The following CNTLN variants were observed in gnomAD, a reference collection of about 807,000 sequenced individuals.
CNTLN encodes centlein.
Under a neutral mutation model 180.0 loss-of-function variants are expected in CNTLN, and 212 were observed. The observed-to-expected ratio is 1.18, with a 90% CI of 1.05 to 1.32. CNTLN has a LOEUF of 1.32. Ranked by LOEUF, CNTLN falls within the 40% of genes most tolerant of loss-of-function variation. The pLI is 0.00. For synonymous variants in CNTLN, 722 were observed against 563.1 expected, an observed-to-expected ratio of 1.28 and a Z score of -3.99; for missense variants, 2,095 against 1,610.9, an observed-to-expected ratio of 1.30 and a Z score of -5.14.
At chr9:17,185,771 TTGTGTG>T (rs371473319) in intron 2 of CNTLN, among the ~76,000 whole-genome samples, 63 of 143,728 alleles carry the variant, frequency 4.4e-4, no homozygotes, top group South Asian at 1.6e-3. Context: ...TGTTTCCCAT[TTGTGTG>T]TGTGTGTGTG....
intron 10 of CNTLN, among the ~76,000 whole-genome samples, chr9:17,340,305 G>T (rs1821372764): frequency 6.6e-6 from 1 of 152,094 alleles, no homozygotes; most frequent in Non-Finnish European, 1.5e-5. Context: ...ACCCCAGAAG[G>T]TTAAACTATG....
intron 2 of CNTLN, among the ~76,000 whole-genome samples, chr9:17,189,857 GAC>G (rs1486711632): frequency 1.3e-5 from 2 of 151,964 alleles, no homozygotes; most frequent in African/African-American, 4.8e-5. Flanking sequence ...TTTTCACTCT[GAC>G]TGATGGGAAC....
intron 2 of CNTLN, among the ~76,000 whole-genome samples, chr9:17,185,227 A>C (rs1328575652): frequency 6.6e-6 from 1 of 152,198 alleles, no homozygotes; most frequent in African/African-American, 2.4e-5. Flanking sequence ...TTTAATTTCC[A>C]CGGAGGTTAT....
chr9:17,165,336 G>A (rs1183364360), intron 2 of CNTLN, among the ~76,000 whole-genome samples: 1 of 152,108 alleles, frequency 6.6e-6, no homozygotes, highest in African/African-American at 2.4e-5. Context: ...AAAATGACTA[G>A]TAGAGTTTTA....
intron 6 of CNTLN, among the ~76,000 whole-genome samples, chr9:17,281,710 A>G (rs1828676298): frequency 2.0e-5 from 3 of 152,042 alleles, no homozygotes; most frequent in East Asian, 3.9e-4. Flanking sequence ...GGTTGATTCA[A>G]TGTCTTTGCT....
At chr9:17,205,537 A>G (rs1006653682) in intron 2 of CNTLN, among the ~76,000 whole-genome samples, 3 of 152,168 alleles carry the variant, frequency 2.0e-5, no homozygotes, top group Admixed American at 2.0e-4. Flanking sequence ...GACTTGGGTC[A>G]TGAGTTCCCC....
chr9:17,314,635 T>C (rs78603147), intron 8 of CNTLN, among the ~76,000 whole-genome samples: 2,826 of 152,344 alleles, frequency 0.019, 36 homozygotes, highest in Non-Finnish European at 0.031. Context: ...GTTGGAATTT[T>C]AGTCTCCTAA....
intron 6 of CNTLN, among the ~76,000 whole-genome samples, chr9:17,282,932 G>A (rs1394054688): frequency 1.3e-5 from 2 of 152,090 alleles, no homozygotes; most frequent in African/African-American, 4.8e-5. Context: ...TCTCTGTTCT[G>A]TTCTATTGGT....
In CNTLN at chr9:17,356,072, A is replaced by AG. The variant is rs1405820113; in HGVS notation, c.1887-10545_1887-10544insG. ...AAGCGAGACTCCATCTCAAAAAAAA[A>AG]AAAAAAAAAGAAAAAGGAAATCAGT... On this transcript the variant is annotated intron_variant, in intron 12 of 25. Coordinates refer to ENST00000380647, the MANE Select transcript of CNTLN (RefSeq NM_017738.4). Among the ~76,000 whole-genome samples, 3 of 112,766 alleles carry AG rather than the reference A, an allele frequency of 2.7e-5. No individual in the cohort carries two copies. The East Asian group carries it at 8.2e-4, about 31-fold the overall frequency. The allele number at this position is 112,766 out of a possible 152,430, so 74.0% of individuals were successfully genotyped here.
chr9:17,204,708 A>T (rs1383744595), intron 2 of CNTLN, among the ~76,000 whole-genome samples: 3 of 152,292 alleles, frequency 2.0e-5, no homozygotes, highest in African/African-American at 7.2e-5. Flanking sequence ...CTTTGCTGGG[A>T]GAATCACTAT....
At chr9:17,312,350 T>TATATATATATA (rs1554685927) in intron 8 of CNTLN, among the ~76,000 whole-genome samples, 2 of 16,368 alleles carry the variant, frequency 1.2e-4, no homozygotes, top group Non-Finnish European at 3.6e-4. Context: ...TATTTATATA[T>TATATATATATA]ATATATATAT....
At chr9:17,235,088 G>T (rs569569766) in intron 3 of CNTLN, among the ~76,000 whole-genome samples, 1 of 152,188 alleles carries the variant, frequency 6.6e-6, no homozygotes, top group South Asian at 2.1e-4. Context: ...ATTGAGTCTG[G>T]GGTACATCCA....
rs774894736 is a variant in CNTLN at position 17,340,880 on chromosome 9, A to G, written c.1698A>G (p.Leu566=). ...RDAHEKRKER[L]QMLQTNYRAV... is the part of the protein sequence containing the mutation. ...CCCATGAAAAACGCAAGGAACGGCT[A>G]CAGATGTTACAGACCAACTACAGAG... Residue 566 remains leucine, a synonymous_variant, in exon 11 of 26, where the codon CTA becomes CTG. Coordinates refer to ENST00000380647, the MANE Select transcript of CNTLN (RefSeq NM_017738.4). The G allele has an allele frequency of 1.2e-6, 2 of 1,612,582 alleles. No homozygotes were observed. The highest frequency in any genetic ancestry group is 1.3e-5 in the African/African-American group (1 of 74,980).
At chr9:17,360,734 C>G (rs970319019) in intron 12 of CNTLN, among the ~76,000 whole-genome samples, 5 of 152,102 alleles carry the variant, frequency 3.3e-5, no homozygotes, top group African/African-American at 1.2e-4. Flanking sequence ...AGACGTCCTT[C>G]TGGTATTTAT....
chr9:17,316,533 T>G (rs1457491579), intron 8 of CNTLN, among the ~76,000 whole-genome samples: 1 of 152,048 alleles, frequency 6.6e-6, no homozygotes, highest in East Asian at 1.9e-4. Flanking sequence ...TATAATTGGT[T>G]TATCTGGTTT....
chr9:17,205,238 C>T (rs971906072), intron 2 of CNTLN, among the ~76,000 whole-genome samples: 1 of 152,166 alleles, frequency 6.6e-6, no homozygotes, highest in South Asian at 2.1e-4. Flanking sequence ...AGAGCACACA[C>T]ACTTGTTACC....
chr9:17,271,500 C>G (rs1313494901), intron 5 of CNTLN, among the ~76,000 whole-genome samples: 1 of 152,022 alleles, frequency 6.6e-6, no homozygotes, highest in Admixed American at 6.6e-5. Context: ...GAAAATTGTT[C>G]TAGATTTGTA....
chr9:17,334,185 G>A (rs1226315194), intron 10 of CNTLN, among the ~76,000 whole-genome samples: 2 of 151,940 alleles, frequency 1.3e-5, no homozygotes, highest in African/African-American at 4.8e-5. Context: ...TCAGCCCCCC[G>A]AGTAGCTGGG....
At chr9:17,268,152 C>T (rs1321872009) in intron 5 of CNTLN, among the ~76,000 whole-genome samples, 1 of 151,978 alleles carries the variant, frequency 6.6e-6, no homozygotes, top group Non-Finnish European at 1.5e-5. Flanking sequence ...CTGTTTTTTC[C>T]CCATCTTTGT....
Sources: gnomAD v4.1 joint callset for allele counts (sites outside exome capture counted in the v4.1 genomes callset) on GRCh38, gnomAD v4.1.1 for gene constraint, MANE v1.5 for transcripts, NCBI Gene and HGNC (gene_info 2026-07-23, HGNC 2026-07-21) for gene names.